Variants in ACSL4 observed in about 807,000 individuals in gnomAD.
The protein encoded by ACSL4 is long-chain-fatty-acid--CoA ligase 4.
In ACSL4, 9 loss-of-function variants were observed where a neutral mutation model predicts 49.1. That is an observed-to-expected ratio of 0.18 (90% CI 0.11 to 0.32). The LOEUF is 0.32. ACSL4 is among the 10% of genes least tolerant of loss of function. The pLI is 1.00. For synonymous variants in ACSL4, 191 were observed against 170.3 expected (o/e 1.12, Z -0.95); for missense variants, 333 against 493.7 (o/e 0.67, Z 3.08).
intron 2 of ACSL4, among the ~76,000 whole-genome samples, chrX:109,690,886 C>G (rs376433008): frequency 9.1e-6 from 1 of 110,267 alleles, no homozygotes; most frequent in South Asian, 3.9e-4. Context: ...TTACTTCAAA[C>G]ACTCCGAGAT....
intron 13 of ACSL4, 109 bp from the exon 14 acceptor site, chrX:109,661,754 T>C (rs1922199509): frequency 1.8e-6 from 1 of 560,892 alleles, no homozygotes; most frequent in Non-Finnish European, 3.0e-6. Flanking sequence ...CTACTTCTTC[T>C]AAAATTATTA....
rs1320823275 is a variant in ACSL4 at position 109,657,429 on chromosome X, C to T, written c.1855+1925G>A. 2.8e-5 allele frequency among the ~76,000 whole-genome samples: 3 copies of T among 105,464 alleles called. No individual in the cohort carries two copies. The Admixed American group carries it at 3.1e-4, about 11-fold the overall frequency. 91.6% of individuals were successfully genotyped at this position (105,464 alleles called of 115,157 possible). ...TCCCCTTCCTGTGTCCAAGTGTTCT[C>T]GTTGTTCAATTCCCACCTATGAGTG... On this transcript the variant is annotated intron_variant, in intron 15 of 15. Transcript: ENST00000672401.
At chrX:109,656,787 T>TG (rs1921686712) in intron 15 of ACSL4, among the ~76,000 whole-genome samples, 1 of 109,491 alleles carries the variant, frequency 9.1e-6, no homozygotes, top group African/African-American at 3.4e-5. Flanking sequence ...AATCCCTCGT[T>TG]GGGAAAAAAG....
chrX:109,648,382 A>T (rs1934838103), intron 15 of ACSL4, among the ~76,000 whole-genome samples: 1 of 112,179 alleles, frequency 8.9e-6, no homozygotes, highest in Non-Finnish European at 1.9e-5. Context: ...ACGCAAATCA[A>T]TAAATGTAAT....
intron 6 of ACSL4, among the ~76,000 whole-genome samples, chrX:109,679,070 T>C (rs191402067): frequency 8.9e-6 from 1 of 112,054 alleles, no homozygotes; most frequent in Admixed American, 9.5e-5. Flanking sequence ...CTAGTGGGTA[T>C]CAGAATCACG....
chrX:109,733,180 T>G lies in ACSL4; in HGVS notation c.-107A>C, dbSNP rs919970208. Reference sequence around the variant, plus strand: ...CGCGTCTTCGCAGCCGGCCGGCGCCTGGCACTCGGAAAGCTCGCAAAAAGG... The same window carrying G: ...CGCGTCTTCGCAGCCGGCCGGCGCCGGGCACTCGGAAAGCTCGCAAAAAGG... On this transcript the variant is annotated 5_prime_UTR_variant, in exon 1 of 16. Transcript: ENST00000672401. 78 of 326,955 alleles carry G rather than the reference T, an allele frequency of 2.4e-4. No homozygotes were observed. Among genetic ancestry groups the G allele is most frequent in the Non-Finnish European group, 4.1e-4 (69 of 168,721 alleles). The allele number at this position is 326,955 out of a possible 1,213,427, so 26.9% of individuals were successfully genotyped here.
chrX:109,674,414 C>T lies in ACSL4; in HGVS notation c.990G>A (p.Met330Ile). The T allele has an allele frequency of 8.3e-7, 1 of 1,205,386 alleles. No individual in the cohort carries two copies. The change falls in exon 9 of 16, where the codon ATG becomes ATA. Residue 330 changes from methionine to isoleucine, a missense_variant. By Grantham distance (10) the Met-to-Ile change is conservative. Transcript: ENST00000672401. ...GDCTVLKPTL[M>I]AAVPEIMDRI... ...ATTCTGTACTCACCGGAACAGCAGC[C>T]ATAAGTGTGGGCTTCAGTACAGTAC...
rs1452119711 is a variant in ACSL4 at position 109,659,400 on chromosome X, A to G, written c.1809T>C (p.Ala603=). 1 of 1,209,977 alleles carries G rather than the reference A, an allele frequency of 8.3e-7. No homozygotes were observed. The highest frequency in any genetic ancestry group is 1.7e-5 in the African/African-American group (1 of 57,738). ...GTWVDICNNP[A]MEAEILKEIR... ...TTTCTTTCAGTATTTCAGCTTCCAT[A>G]GCAGGATTATTGCAGATATCAACCC... Residue 603 remains alanine (A), a synonymous_variant, in exon 15 of 16, where the codon GCT becomes GCC. Transcript: ENST00000672401.
intron 9 of ACSL4, among the ~76,000 whole-genome samples, chrX:109,670,584 CAAAA>C (rs147696733): frequency 1.2e-5 from 1 of 81,068 alleles, no homozygotes. Flanking sequence ...GACTCCGTCT[CAAAA>C]AAAAAAAAAA....
intron 15 of ACSL4, among the ~76,000 whole-genome samples, chrX:109,646,588 T>C (rs377157018): frequency 1.3e-4 from 14 of 107,799 alleles, no homozygotes; most frequent in African/African-American, 4.4e-4. Flanking sequence ...TAAAGACCAT[T>C]GAGACTAGGA....
At chrX:109,721,498 AAGGC>A (rs1927548188) in intron 1 of ACSL4, among the ~76,000 whole-genome samples, 1 of 111,917 alleles carries the variant, frequency 8.9e-6, no homozygotes, top group South Asian at 3.7e-4. Context: ...CTGGGAGACC[AAGGC>A]AGGCGGATCA....
At chrX:109,647,427 G>C (rs1175144334) in intron 15 of ACSL4, among the ~76,000 whole-genome samples, 3 of 111,469 alleles carry the variant, frequency 2.7e-5, no homozygotes, top group African/African-American at 9.8e-5. Context: ...ATGACTTCTG[G>C]GTACATAACG....
chrX:109,691,066 G>A (rs1925007959), intron 2 of ACSL4, among the ~76,000 whole-genome samples: 1 of 111,699 alleles, frequency 9.0e-6, no homozygotes, highest in Non-Finnish European at 1.9e-5. Flanking sequence ...ACTGCAGTTG[G>A]TTAATGCCAA....
chrX:109,671,711 C>T (rs1433133238), intron 9 of ACSL4, among the ~76,000 whole-genome samples: 3 of 112,214 alleles, frequency 2.7e-5, no homozygotes, highest in Non-Finnish European at 3.8e-5. Flanking sequence ...ACATAGGAGA[C>T]TCCGTTTTGT....
intron 1 of ACSL4, among the ~76,000 whole-genome samples, chrX:109,706,998 C>T (rs1291747082): frequency 8.9e-6 from 1 of 111,873 alleles, no homozygotes; most frequent in Non-Finnish European, 1.9e-5. Flanking sequence ...AGAGAAATGC[C>T]TAACGTAATG....
intron 1 of ACSL4, among the ~76,000 whole-genome samples, chrX:109,723,458 T>C (rs1453490106): frequency 4.5e-5 from 5 of 111,748 alleles, no homozygotes; most frequent in Non-Finnish European, 7.5e-5. Context: ...AGTGGAATTA[T>C]GGTATACAAC....
At chrX:109,653,541 ACTTGG>A (rs1374669842) in intron 15 of ACSL4, among the ~76,000 whole-genome samples, 1 of 111,455 alleles carries the variant, frequency 9.0e-6, no homozygotes, top group Non-Finnish European at 1.9e-5. Flanking sequence ...AACAGCAAAG[ACTTGG>A]AACCAGCCCA....
chrX:109,710,414 CA>C (rs1488216538), intron 1 of ACSL4, among the ~76,000 whole-genome samples: 1 of 112,276 alleles, frequency 8.9e-6, no homozygotes, highest in Non-Finnish European at 1.9e-5. Flanking sequence ...CACAAACACA[CA>C]AGACTCTTTA....
chrX:109,719,672 T>C (rs1348131485), intron 1 of ACSL4, among the ~76,000 whole-genome samples: 1 of 112,273 alleles, frequency 8.9e-6, no homozygotes, highest in Non-Finnish European at 1.9e-5. Flanking sequence ...GTCAATTCTT[T>C]GGGGGAATGT....
Sources: gnomAD v4.1 joint callset for allele counts (sites outside exome capture counted in the v4.1 genomes callset) on GRCh38, gnomAD v4.1.1 for gene constraint, MANE v1.5 for transcripts, NCBI Gene and HGNC (gene_info 2026-07-23, HGNC 2026-07-21) for gene names.